CNTNAP2: variants seen among roughly 807,000 people sequenced by gnomAD.
The protein encoded by CNTNAP2 is contactin associated protein 2.
A neutral mutation model predicts 155.2 loss-of-function variants in CNTNAP2; 98 were observed. The observed-to-expected ratio is 0.63, with a 90% CI of 0.54 to 0.75. The LOEUF (loss-of-function observed/expected upper bound fraction) is 0.75, where lower values mean the gene tolerates loss of function less well. Ranked by LOEUF, CNTNAP2 falls within the 30% of genes least tolerant of loss-of-function variation. The pLI, the probability that CNTNAP2 is intolerant of heterozygous loss-of-function variation, is 0.00. For synonymous variants in CNTNAP2, 651 were observed against 631.2 expected (o/e 1.03, Z -0.47); for missense variants, 1,727 against 1,688.1 (o/e 1.02, Z -0.40).
chr7:146,712,102 T>TATC (rs1276216605), intron 1 of CNTNAP2, among the ~76,000 whole-genome samples: 33 of 114,878 alleles, frequency 2.9e-4, no homozygotes, highest in Non-Finnish European at 5.5e-4. Context: ...ATAGTATACA[T>TATC]ATCTTATGTA....
At chr7:147,438,184 T>C (rs771459358) in intron 10 of CNTNAP2, among the ~76,000 whole-genome samples, 1 of 152,248 alleles carries the variant, frequency 6.6e-6, no homozygotes, top group East Asian at 1.9e-4. Flanking sequence ...AACTTCGTCA[T>C]GTTACAGATC....
chr7:146,215,884 G>A (rs1350702696), intron 1 of CNTNAP2, among the ~76,000 whole-genome samples: 1 of 152,140 alleles, frequency 6.6e-6, no homozygotes, highest in African/African-American at 2.4e-5. Context: ...TCCCATTTGG[G>A]TAATGCCTGC....
chr7:146,229,399 C>G (rs1464951293), intron 1 of CNTNAP2, among the ~76,000 whole-genome samples: 5 of 152,124 alleles, frequency 3.3e-5, no homozygotes, highest in Non-Finnish European at 7.4e-5. Flanking sequence ...GCTACGAGGA[C>G]ACCCCATGAC....
At chr7:146,298,011 G>T (rs1800543730) in intron 1 of CNTNAP2, among the ~76,000 whole-genome samples, 1 of 152,216 alleles carries the variant, frequency 6.6e-6, no homozygotes, top group East Asian at 1.9e-4. Flanking sequence ...AACGTGAGAT[G>T]CTGTGAGCAT....
At chr7:146,579,781 A>G (rs1798582785) in intron 1 of CNTNAP2, among the ~76,000 whole-genome samples, 1 of 152,170 alleles carries the variant, frequency 6.6e-6, no homozygotes, top group African/African-American at 2.4e-5. Flanking sequence ...ATAAGATGTA[A>G]GTTTTGGTGC....
intron 8 of CNTNAP2, among the ~76,000 whole-genome samples, chr7:147,205,862 T>C (rs1444245942): frequency 2.0e-5 from 3 of 152,090 alleles, no homozygotes; most frequent in Non-Finnish European, 4.4e-5. Flanking sequence ...AATTAATTTA[T>C]TGCATATTTC....
chr7:147,939,653 C>G (rs569188986), intron 14 of CNTNAP2, among the ~76,000 whole-genome samples: 3 of 152,174 alleles, frequency 2.0e-5, no homozygotes, highest in Admixed American at 1.3e-4. Context: ...GGTCACAAGC[C>G]TGTAGTTCTA....
intron 14 of CNTNAP2, among the ~76,000 whole-genome samples, chr7:147,924,301 G>A (rs895457394): frequency 5.7e-4 from 87 of 151,828 alleles, no homozygotes; most frequent in African/African-American, 2.1e-3. Context: ...ACAATGCCCG[G>A]CTAATTTTTG....
intron 4 of CNTNAP2, among the ~76,000 whole-genome samples, chr7:147,048,805 A>G (rs1234372568): frequency 2.0e-5 from 3 of 152,178 alleles, no homozygotes; most frequent in Non-Finnish European, 2.9e-5. Context: ...TATGTTTTTC[A>G]TGTCTTTTTA....
intron 18 of CNTNAP2, among the ~76,000 whole-genome samples, chr7:148,215,800 G>T: frequency 6.6e-6 from 1 of 152,106 alleles, no homozygotes; most frequent in Middle Eastern, 3.2e-3. Context: ...AGTTAACACG[G>T]CTGCTACAGA....
chr7:146,588,981 A>T (rs1798741038), intron 1 of CNTNAP2, among the ~76,000 whole-genome samples: 1 of 152,188 alleles, frequency 6.6e-6, no homozygotes. Flanking sequence ...TTAAAATTTC[A>T]TGTCACTATA....
intron 13 of CNTNAP2, among the ~76,000 whole-genome samples, chr7:147,770,361 A>G (rs1198937783): frequency 1.3e-5 from 2 of 152,224 alleles, no homozygotes; most frequent in South Asian, 2.1e-4. Flanking sequence ...TCTGTGTAAC[A>G]AGATGAGAAA....
intron 12 of CNTNAP2, among the ~76,000 whole-genome samples, chr7:147,614,146 T>C (rs1801239892): frequency 6.6e-6 from 1 of 152,234 alleles, no homozygotes; most frequent in South Asian, 2.1e-4. Context: ...TGATTCTTGA[T>C]AGGCCAATTG....
chr7:147,544,695 T>C (rs1033763100), intron 11 of CNTNAP2, among the ~76,000 whole-genome samples: 35 of 151,992 alleles, frequency 2.3e-4, no homozygotes, highest in African/African-American at 7.5e-4. Flanking sequence ...GAATTGTAAC[T>C]CCCATAATTC....
At chr7:148,026,131 C>T (rs1357384504) in intron 15 of CNTNAP2, among the ~76,000 whole-genome samples, 5 of 151,996 alleles carry the variant, frequency 3.3e-5, no homozygotes, top group African/African-American at 1.2e-4. Flanking sequence ...CAGCTTACCC[C>T]CAAAAGTAAA....
chr7:148,140,023 T>A (rs1805028398), intron 16 of CNTNAP2, among the ~76,000 whole-genome samples: 3 of 152,174 alleles, frequency 2.0e-5, no homozygotes, highest in Admixed American at 2.0e-4. Context: ...CAGAATTCAC[T>A]GAATTCTGCT....
intron 8 of CNTNAP2, among the ~76,000 whole-genome samples, chr7:147,297,868 G>A (rs1315775102): frequency 2.0e-5 from 3 of 152,176 alleles, no homozygotes; most frequent in African/African-American, 7.2e-5. Flanking sequence ...CGTAAACAGT[G>A]CTGCAACAAA....
At chr7:147,569,719 C>T (rs776252174) in intron 12 of CNTNAP2, among the ~76,000 whole-genome samples, 1 of 152,168 alleles carries the variant, frequency 6.6e-6, no homozygotes, top group African/African-American at 2.4e-5. Flanking sequence ...TTCTCAGAAC[C>T]TATGCCTGTT....
intron 8 of CNTNAP2, among the ~76,000 whole-genome samples, chr7:147,156,982 T>C (rs540100068): frequency 4.6e-5 from 7 of 152,248 alleles, no homozygotes; most frequent in African/African-American, 1.2e-4. Context: ...TTCTGCTTCA[T>C]TAAAAATCCA....
Sources: allele counts gnomAD v4.1 joint callset (sites outside exome capture counted in the v4.1 genomes callset), GRCh38; gene constraint gnomAD v4.1.1; transcripts MANE v1.5; gene names NCBI Gene and HGNC (gene_info 2026-07-23, HGNC 2026-07-21).